The following RAD51B variants were observed in gnomAD, a reference collection of about 807,000 sequenced individuals.
RAD51B encodes RAD51 paralog B, also known as DNA repair protein RAD51 homolog 2.
A neutral mutation model predicts 42.2 loss-of-function variants in RAD51B; 38 were observed. The ratio of observed to expected loss-of-function variants is 0.90; its 90% CI spans 0.70 to 1.18. The LOEUF is 1.18. Among genes scored for constraint, RAD51B ranks in the 50% most tolerant of loss-of-function variants. RAD51B has a pLI of 0.00. For missense variants in RAD51B, 373 were observed against 400.7 expected, an observed-to-expected ratio of 0.93 and a Z score of 0.59; for synonymous variants, 154 against 145.2, an observed-to-expected ratio of 1.06 and a Z score of -0.43.
intron 8 of RAD51B, among the ~76,000 whole-genome samples, chr14:68,404,243 T>C (rs2084200803): frequency 6.6e-6 from 1 of 152,248 alleles, no homozygotes; most frequent in Non-Finnish European, 1.5e-5. Flanking sequence ...TATACTGCTT[T>C]GGCAGGTCTA....
intron 7 of RAD51B, among the ~76,000 whole-genome samples, chr14:68,131,802 A>G (rs750027164): frequency 3.9e-5 from 6 of 152,190 alleles, no homozygotes; most frequent in Admixed American, 3.3e-4. Flanking sequence ...TTTTTGATAA[A>G]TGTTCATTTA....
intron 10 of RAD51B, among the ~76,000 whole-genome samples, chr14:68,512,159 G>T (rs931435274): frequency 6.6e-6 from 1 of 152,202 alleles, no homozygotes. Context: ...ATAAAGGGGT[G>T]ACTTGCCTAG....
intron 10 of RAD51B, among the ~76,000 whole-genome samples, chr14:68,505,896 T>G (rs998508632): frequency 6.6e-6 from 1 of 152,252 alleles, no homozygotes; most frequent in African/African-American, 2.4e-5. Context: ...GTATCCACTT[T>G]GCATATGTAC....
At chr14:67,832,797 A>G (rs900883936) in intron 3 of RAD51B, among the ~76,000 whole-genome samples, 1 of 152,192 alleles carries the variant, frequency 6.6e-6, no homozygotes, top group Non-Finnish European at 1.5e-5. Context: ...AGTGCCCTGG[A>G]GCAGGCAAAA....
At chr14:68,554,774 G>C (rs1215003811) in intron 10 of RAD51B, among the ~76,000 whole-genome samples, 2 of 152,044 alleles carry the variant, frequency 1.3e-5, no homozygotes, top group African/African-American at 2.4e-5. Flanking sequence ...CCCATGCCTA[G>C]AAGATGTCCA....
intron 7 of RAD51B, among the ~76,000 whole-genome samples, chr14:68,218,111 A>G (rs2079851887): frequency 6.6e-6 from 1 of 152,342 alleles, no homozygotes; most frequent in South Asian, 2.1e-4. Flanking sequence ...GTATGTGGAA[A>G]CTATGCTACT....
At chr14:68,441,357 A>G (rs2085281363) in intron 9 of RAD51B, among the ~76,000 whole-genome samples, 5 of 147,318 alleles carry the variant, frequency 3.4e-5, no homozygotes, top group Admixed American at 3.4e-4. Flanking sequence ...CCTGGCTAAC[A>G]CGGTGAAACC....
At chr14:68,260,163 AAGCAT>A (rs1185481954) in intron 7 of RAD51B, among the ~76,000 whole-genome samples, 1 of 152,066 alleles carries the variant, frequency 6.6e-6, no homozygotes, top group African/African-American at 2.4e-5. Flanking sequence ...AAGTCATGAG[AAGCAT>A]CCCCATGGGT....
chr14:68,435,040 A>T (rs1404048358), intron 9 of RAD51B, among the ~76,000 whole-genome samples: 4 of 152,150 alleles, frequency 2.6e-5, no homozygotes, highest in Non-Finnish European at 1.5e-5. Flanking sequence ...TTCAACTTTT[A>T]TTTTAGATTC....
chr14:67,959,356 C>T (rs917731839), intron 7 of RAD51B, among the ~76,000 whole-genome samples: 1 of 152,048 alleles, frequency 6.6e-6, no homozygotes, highest in Non-Finnish European at 1.5e-5. Flanking sequence ...ACACCATTCT[C>T]CTGCCTCAGC....
chr14:67,995,899 G>A (rs2075376125), intron 7 of RAD51B, among the ~76,000 whole-genome samples: 1 of 152,030 alleles, frequency 6.6e-6, no homozygotes, highest in African/African-American at 2.4e-5. Flanking sequence ...TTACAGGCAT[G>A]AGCCACCGCG....
At chr14:68,300,976 A>G (rs1433786188) in intron 8 of RAD51B, among the ~76,000 whole-genome samples, 1 of 152,202 alleles carries the variant, frequency 6.6e-6, no homozygotes, top group East Asian at 1.9e-4. Flanking sequence ...TTTACGGTAT[A>G]CAAGAGCAAA....
chr14:68,030,054 A>G (rs756321856), intron 7 of RAD51B, among the ~76,000 whole-genome samples: 1 of 152,238 alleles, frequency 6.6e-6, no homozygotes, highest in Non-Finnish European at 1.5e-5. Context: ...TCAGTGAACC[A>G]CACTGTAACC....
chr14:68,261,794 C>T (rs1279474366), intron 7 of RAD51B, among the ~76,000 whole-genome samples: 1 of 151,100 alleles, frequency 6.6e-6, no homozygotes, highest in Non-Finnish European at 1.5e-5. Flanking sequence ...TCACCCCTTG[C>T]CCCCAAACCA....
intron 11 of RAD51B, among the ~76,000 whole-genome samples, chr14:68,652,653 A>T (rs1481418328): frequency 6.6e-6 from 1 of 152,148 alleles, no homozygotes; most frequent in African/African-American, 2.4e-5. Flanking sequence ...CTTCCATTCA[A>T]TCACCTCCTG....
chr14:68,128,908 AGAGAT>A (rs1045353350), intron 7 of RAD51B, among the ~76,000 whole-genome samples: 4 of 152,216 alleles, frequency 2.6e-5, no homozygotes, highest in Non-Finnish European at 5.9e-5. Flanking sequence ...GTAATTTCCT[AGAGAT>A]GAGAAGGTAT....
intron 7 of RAD51B, among the ~76,000 whole-genome samples, chr14:68,109,606 A>T (rs2077429289): frequency 6.6e-6 from 1 of 151,978 alleles, no homozygotes; most frequent in African/African-American, 2.4e-5. Flanking sequence ...GCTAGATAAT[A>T]TTCCCTCTTT....
chr14:68,398,497 G>C (rs566001629), intron 8 of RAD51B, among the ~76,000 whole-genome samples: 265 of 152,190 alleles, frequency 1.7e-3, no homozygotes, highest in Non-Finnish European at 2.8e-3. Flanking sequence ...CCTTAATGAG[G>C]GTCTCTGAGT....
At position 67,887,162 on chromosome 14, in the gene RAD51B, G is replaced by T; in HGVS notation, c.714G>T (p.Glu238Asp). The T allele has an allele frequency of 6.2e-7, 1 of 1,612,070 alleles. No individual in the cohort carries two copies. The highest frequency in any genetic ancestry group is 8.5e-7 in the Non-Finnish European group (1 of 1,178,882). Residue 238 changes from glutamate to aspartate, a missense_variant, in exon 7 of 11, where the codon GAG (glutamate) becomes GAT (aspartate). Transcript: ENST00000471583. ...LKERNKFLAR[E>D]ASSLKYLAEE... is the part of the protein sequence containing the mutation. ...AAAGAAACAAGTTCTTGGCAAGAGA[G>T]GCATCCTCCTTGAAGTATTTGGCTG...
Sources: allele counts gnomAD v4.1 joint callset (sites outside exome capture counted in the v4.1 genomes callset), GRCh38; gene constraint gnomAD v4.1.1; transcripts MANE v1.5; gene names NCBI Gene and HGNC (gene_info 2026-07-23, HGNC 2026-07-21).